SLC36A4: variants seen among roughly 807,000 people sequenced by gnomAD.
SLC36A4 encodes the protein solute carrier family 36 member 4.
SLC36A4 carries 49 observed loss-of-function variants against 50.5 expected under a neutral mutation model. The observed-to-expected ratio is 0.97, with a 90% CI of 0.77 to 1.23. The LOEUF (loss-of-function observed/expected upper bound fraction) is 1.23. Ranked by LOEUF, SLC36A4 falls within the 50% of genes most tolerant of loss-of-function variation. The pLI is 0.00. For synonymous variants in SLC36A4, 207 were observed against 206.5 expected (o/e 1.00, Z -0.02); for missense variants, 611 against 608.4 (o/e 1.00, Z -0.05).
At chr11:93,154,605 T>C (rs1860263265) in intron 9 of SLC36A4, 1 of 155,852 alleles carries the variant, frequency 6.4e-6, no homozygotes, top group Non-Finnish European at 1.4e-5. Context: ...TTCTCAACTT[T>C]CTTTTTAAAA....
intron 6 of SLC36A4, among the ~76,000 whole-genome samples, chr11:93,178,651 T>C (rs1010757144): frequency 3.9e-5 from 6 of 152,204 alleles, no homozygotes; most frequent in Admixed American, 3.9e-4. Context: ...TAATCTTGTA[T>C]CCAGAAACTT....
intron 6 of SLC36A4, among the ~76,000 whole-genome samples, chr11:93,176,846 C>T (rs1565230919): frequency 1.3e-5 from 2 of 152,134 alleles, no homozygotes; most frequent in Non-Finnish European, 2.9e-5. Flanking sequence ...CTTCCCTTTG[C>T]AGGTAACCTG....
chr11:93,185,470 A>T (rs1208575432), intron 2 of SLC36A4: 3 of 356,436 alleles, frequency 8.4e-6, no homozygotes, highest in African/African-American at 4.2e-5. Context: ...TTCTTTCAAG[A>T]TCCCTAGCAT....
chr11:93,175,900 G>C (rs1861442399), intron 6 of SLC36A4, among the ~76,000 whole-genome samples: 1 of 111,902 alleles, frequency 8.9e-6, no homozygotes, highest in African/African-American at 3.5e-5. Flanking sequence ...GGTGTGGTGT[G>C]GTGCTGAAAA....
rs1850987034 is a variant in SLC36A4 at position 93,147,747 on chromosome 11, G to A, written c.*790C>T. ...TGTGAGAAATAAAACATCCTGGCCT[G>A]GGAGTCAGAAGATTAGGTTTTCTTG... On this transcript the variant is annotated 3_prime_UTR_variant, in exon 11 of 11. Transcript: ENST00000326402. The A allele has an allele frequency of 6.6e-6, 1 of 152,068 alleles. No homozygotes were observed. Among genetic ancestry groups the A allele is most frequent in the South Asian group, 2.1e-4 (1 of 4,832 alleles). 9.4% of individuals were successfully genotyped at this position (152,068 alleles called of 1,614,324 possible).
At chr11:93,190,518 A>AT (rs1191651402) in intron 1 of SLC36A4, among the ~76,000 whole-genome samples, 6 of 152,024 alleles carry the variant, frequency 3.9e-5, no homozygotes, top group Non-Finnish European at 5.9e-5. Context: ...GCCCACAAAA[A>AT]TTTTTTTTAT....
rs1860165401 is a variant in SLC36A4, at chr11:93,152,989, C to A, written c.1207+1119G>T. ...TTGACTTCATTTGTTAATATGATTT[C>A]TCTTATTAGTGATATAATTCATTTA... On this transcript the variant is annotated intron_variant, in intron 10 of 10. Coordinates refer to ENST00000326402, the MANE Select transcript of SLC36A4 (RefSeq NM_152313.4). 2.0e-5 allele frequency among the ~76,000 whole-genome samples: 3 copies of A among 151,908 alleles called. No individual in the cohort carries two copies. In the South Asian group the frequency reaches 6.2e-4, roughly 31 times the overall value.
At chr11:93,196,348 G>A (rs1371501613) in intron 1 of SLC36A4, among the ~76,000 whole-genome samples, 1 of 152,108 alleles carries the variant, frequency 6.6e-6, no homozygotes, top group African/African-American at 2.4e-5. Context: ...TTCTGAAGGA[G>A]AATTGCTGGG....
intron 6 of SLC36A4, chr11:93,171,678 C>T (rs964932328): frequency 4.6e-5 from 7 of 151,926 alleles, no homozygotes; most frequent in Admixed American, 3.3e-4. Flanking sequence ...TACAGTACTA[C>T]CATGTTACAC....
rs149144596 is a variant in SLC36A4, at chr11:93,165,920, C to A, written c.865G>T (p.Val289Leu). The A allele has an allele frequency of 1.9e-6, 3 of 1,590,406 alleles. No individual in the cohort carries two copies. The highest frequency in any genetic ancestry group is 2.6e-6 in the Non-Finnish European group (3 of 1,162,302). ...TAVFAFEGIG[V>L]VLPLENQMKE... The stretch of plus-strand genomic sequence containing the variant: ...AATAATAAAGACTAAATTCTTACCA[C>A]TCCTATGCCTTCAAAAGCAAATACA... Residue 289 changes from valine to leucine, a missense_variant and splice_region_variant, in exon 8 of 11, where the codon GTG becomes TTG. Coordinates refer to ENST00000326402, the MANE Select transcript of SLC36A4 (RefSeq NM_152313.4).
In SLC36A4 at chr11:93,145,533, T is replaced by C. The variant is rs1859830756; in HGVS notation, c.*3004A>G. ...AGAACCAGTGTTTTGACAAGTTGAC[T>C]CTGATACTGATGAAACTCTTGGGTG... is the stretch of plus-strand genomic sequence containing the variant. On this transcript the variant is annotated 3_prime_UTR_variant, in exon 11 of 11. Transcript: ENST00000326402. The C allele has an allele frequency of 6.6e-6, 1 of 152,096 alleles. No homozygotes were observed. Among genetic ancestry groups the C allele is most frequent in the South Asian group, 2.1e-4 (1 of 4,830 alleles). 9.4% of individuals were successfully genotyped at this position (152,096 alleles called of 1,614,324 possible).
At chr11:93,197,711 G>T in intron 1 of SLC36A4, 67 bp downstream of exon 1, 1 of 1,514,288 alleles carries the variant, frequency 6.6e-7, no homozygotes, top group South Asian at 1.2e-5. Context: ...AGGTGTGGGC[G>T]CACCCGACTC....
At chr11:93,175,773 A>C (rs1366461430) in intron 6 of SLC36A4, among the ~76,000 whole-genome samples, 2 of 43,448 alleles carry the variant, frequency 4.6e-5, no homozygotes, top group East Asian at 6.3e-4. Context: ...TGAGATTCTT[A>C]ATCCTGAGTT....
At position 93,146,078 on chromosome 11, in the gene SLC36A4, C is replaced by G. The variant is rs774441666; in HGVS notation, c.*2459G>C. 1.3e-5 allele frequency: 2 copies of G among 151,902 alleles called. No individual in the cohort carries two copies. The highest frequency in any genetic ancestry group is 2.9e-5 in the Non-Finnish European group (2 of 67,932). 9.4% of individuals were successfully genotyped at this position (151,902 alleles called of 1,614,324 possible). On this transcript the variant is annotated 3_prime_UTR_variant, in exon 11 of 11. Coordinates refer to ENST00000326402, the MANE Select transcript of SLC36A4 (RefSeq NM_152313.4). ...TATTCATCATTTATTGAATTTAGTA[C>G]TGGATGTTGATTCACCATTCTTATT... is the stretch of plus-strand genomic sequence containing the variant.
intron 1 of SLC36A4, among the ~76,000 whole-genome samples, chr11:93,195,231 T>C (rs1862369598): frequency 1.3e-5 from 2 of 151,810 alleles, no homozygotes; most frequent in South Asian, 4.2e-4. Flanking sequence ...GAGAAGGAAA[T>C]TAAGTTTCTC....
chr11:93,148,920 C>A, intron 10 of SLC36A4, 76 bp from the exon 11 acceptor site: 1 of 1,267,978 alleles, frequency 7.9e-7, no homozygotes, highest in Non-Finnish European at 1.1e-6. Context: ...TAAGTATTTT[C>A]AATACTGAAA....
intron 6 of SLC36A4, among the ~76,000 whole-genome samples, chr11:93,175,033 T>C (rs1359549661): frequency 6.6e-6 from 1 of 151,938 alleles, no homozygotes; most frequent in Non-Finnish European, 1.5e-5. Flanking sequence ...TACCAGTTCC[T>C]CCTTGTACCT....
chr11:93,184,421 A>C lies in SLC36A4; in HGVS notation c.270+9T>G. Reference sequence around the variant, plus strand: ...CATCTTAACTGGTGATTACAAAGATAAGTCTTACCACTATGCCTGCATTTT... The same window carrying C: ...CATCTTAACTGGTGATTACAAAGATCAGTCTTACCACTATGCCTGCATTTT... On this transcript the variant is annotated intron_variant, in intron 3 of 10. Transcript: ENST00000326402. 2 of 1,549,400 alleles carry C rather than the reference A, an allele frequency of 1.3e-6. No homozygotes were observed. Among genetic ancestry groups the C allele is most frequent in the Non-Finnish European group, 1.8e-6 (2 of 1,122,208 alleles).
intron 6 of SLC36A4, among the ~76,000 whole-genome samples, chr11:93,176,021 T>A (rs1861451443): frequency 8.0e-6 from 1 of 124,872 alleles, no homozygotes; most frequent in South Asian, 3.1e-4. Context: ...TTCTGTCTCG[T>A]TGATCTGTCT....
Sources: allele counts gnomAD v4.1 joint callset (sites outside exome capture counted in the v4.1 genomes callset), GRCh38; gene constraint gnomAD v4.1.1; transcripts MANE v1.5; gene names NCBI Gene and HGNC (gene_info 2026-07-23, HGNC 2026-07-21).